The following MAP3K20 variants were observed in gnomAD, a reference collection of about 807,000 sequenced individuals.
MAP3K20 encodes the protein mitogen-activated protein kinase kinase kinase 20.
In MAP3K20, 40 loss-of-function variants were observed where a neutral mutation model predicts 85.7. The ratio of observed to expected loss-of-function variants is 0.47; its 90% confidence interval spans 0.36 to 0.61. MAP3K20 has a LOEUF of 0.61. MAP3K20 is among the 20% of genes least tolerant of loss of function. MAP3K20 has a pLI of 0.00. For synonymous variants in MAP3K20, 325 were observed against 327.7 expected (o/e 0.99, Z 0.09); for missense variants, 817 against 961.7 (o/e 0.85, Z 1.99).
intron 1 of MAP3K20, among the ~76,000 whole-genome samples, chr2:173,086,534 GT>G (rs1687151478): frequency 6.6e-6 from 1 of 152,104 alleles, no homozygotes. Context: ...ATTTTTTATG[GT>G]TTCAATAAAA....
chr2:173,097,907 A>G (rs1485531976), intron 2 of MAP3K20, among the ~76,000 whole-genome samples: 1 of 152,192 alleles, frequency 6.6e-6, no homozygotes, highest in Non-Finnish European at 1.5e-5. Flanking sequence ...TCGTTTAGTG[A>G]TTTATGGAAG....
At chr2:173,241,359 T>C (rs1387287480) in intron 16 of MAP3K20, among the ~76,000 whole-genome samples, 1 of 152,178 alleles carries the variant, frequency 6.6e-6, no homozygotes, top group African/African-American at 2.4e-5. Context: ...ACACCTGTAG[T>C]CCCAGCACTT....
chr2:173,234,762 A>G (rs1339279081), intron 14 of MAP3K20, among the ~76,000 whole-genome samples: 2 of 152,202 alleles, frequency 1.3e-5, no homozygotes, highest in South Asian at 2.1e-4. Flanking sequence ...TGGCACCTGA[A>G]GTGGAAGGAA....
intron 2 of MAP3K20, among the ~76,000 whole-genome samples, chr2:173,091,746 G>C (rs377229470): frequency 1.3e-5 from 2 of 152,138 alleles, no homozygotes; most frequent in East Asian, 3.8e-4. Flanking sequence ...TGTCCTCCTA[G>C]TAAAATCAGA....
intron 1 of MAP3K20, among the ~76,000 whole-genome samples, chr2:173,078,396 G>A (rs1417388185): frequency 6.6e-6 from 1 of 152,190 alleles, no homozygotes; most frequent in East Asian, 1.9e-4. Context: ...GAACAGTTAA[G>A]GCACCTTTTG....
chr2:173,222,552 T>C, intron 11 of MAP3K20: 1 of 985,626 alleles, frequency 1.0e-6, no homozygotes, highest in Non-Finnish European at 1.2e-6. Context: ...AGTTCATGCC[T>C]CTCCTGTATT....
intron 2 of MAP3K20, among the ~76,000 whole-genome samples, chr2:173,132,175 C>A (rs1688637198): frequency 6.6e-6 from 1 of 152,140 alleles, no homozygotes. Flanking sequence ...TTCCCCCTTT[C>A]TGATTCATCT....
At chr2:173,153,620 C>A (rs114301738) in intron 2 of MAP3K20, among the ~76,000 whole-genome samples, 2 of 152,218 alleles carry the variant, frequency 1.3e-5, no homozygotes, top group Non-Finnish European at 2.9e-5. Flanking sequence ...TCTTTTACCT[C>A]TGTAGGCCTT....
At chr2:173,220,889 T>C (rs989561312) in intron 11 of MAP3K20, among the ~76,000 whole-genome samples, 1 of 152,246 alleles carries the variant, frequency 6.6e-6, no homozygotes, top group Non-Finnish European at 1.5e-5. Flanking sequence ...AACTTGCAAC[T>C]TCTTTTCCAT....
At chr2:173,137,749 G>T (rs756015659) in intron 2 of MAP3K20, among the ~76,000 whole-genome samples, 1 of 152,056 alleles carries the variant, frequency 6.6e-6, no homozygotes, top group Non-Finnish European at 1.5e-5. Context: ...TAAAGTACTG[G>T]CTTTAATTGT....
At chr2:173,160,193 T>C (rs1346090226) in intron 2 of MAP3K20, 1 of 152,168 alleles carries the variant, frequency 6.6e-6, no homozygotes, top group African/African-American at 2.4e-5. Context: ...AAGAGCATCA[T>C]TTGAAAAAGA....
chr2:173,243,245 T>C (rs1260789160), intron 16 of MAP3K20, among the ~76,000 whole-genome samples: 3 of 152,310 alleles, frequency 2.0e-5, no homozygotes, highest in African/African-American at 4.8e-5. Context: ...GATGAGGATC[T>C]ACAACAGATG....
intron 2 of MAP3K20, among the ~76,000 whole-genome samples, chr2:173,128,727 T>A (rs16861279): frequency 0.064 from 9,732 of 152,108 alleles, 947 homozygotes; most frequent in East Asian, 0.53. Flanking sequence ...TTTTAGTACA[T>A]TGTTGAGCTG....
chr2:173,175,761 G>C (rs1690134802), intron 3 of MAP3K20, among the ~76,000 whole-genome samples: 1 of 152,130 alleles, frequency 6.6e-6, no homozygotes, highest in South Asian at 2.1e-4. Flanking sequence ...TTTGGAGGTT[G>C]ATTGATGAAT....
At chr2:173,231,778 T>C (rs1684527998) in intron 12 of MAP3K20, among the ~76,000 whole-genome samples, 1 of 152,240 alleles carries the variant, frequency 6.6e-6, no homozygotes, top group Non-Finnish European at 1.5e-5. Flanking sequence ...CTTCATGACC[T>C]GGCCTAGAAC....
chr2:173,248,338 T>A (rs1416883867), intron 16 of MAP3K20, among the ~76,000 whole-genome samples: 1 of 152,212 alleles, frequency 6.6e-6, no homozygotes, highest in African/African-American at 2.4e-5. Context: ...TATATATGTA[T>A]CTCCAAACTC....
intron 2 of MAP3K20, among the ~76,000 whole-genome samples, chr2:173,110,226 TATATATATATATATA>T (rs1352263594): frequency 0.025 from 268 of 10,854 alleles, 1 homozygote; most frequent in Non-Finnish European, 0.032. Flanking sequence ...TATATATATA[TATATATATATATATA>T]TTTTTTTTTT....
At chr2:173,199,001 T>C (rs930544695) in intron 8 of MAP3K20, among the ~76,000 whole-genome samples, 3 of 152,242 alleles carry the variant, frequency 2.0e-5, no homozygotes, top group African/African-American at 4.8e-5. Flanking sequence ...GTCTTTGCAA[T>C]GCAAAACTAC....
intron 16 of MAP3K20, among the ~76,000 whole-genome samples, chr2:173,249,142 C>T (rs1163004131): frequency 6.6e-6 from 1 of 152,184 alleles, no homozygotes; most frequent in East Asian, 1.9e-4. Context: ...TTGTGACTGT[C>T]TTTAAAAAAC....
Sources: allele counts gnomAD v4.1 joint callset (sites outside exome capture counted in the v4.1 genomes callset), GRCh38; gene constraint gnomAD v4.1.1; transcripts MANE v1.5; gene names NCBI Gene and HGNC (gene_info 2026-07-23, HGNC 2026-07-21).